The following CFAP299 variants were observed in gnomAD, a reference collection of about 807,000 sequenced individuals.
The protein encoded by CFAP299 is cilia and flagella associated protein 299.
A neutral mutation model predicts 27.0 loss-of-function variants in CFAP299; 21 were observed. That is an observed-to-expected ratio of 0.78 (90% CI 0.55 to 1.12). The LOEUF is 1.12. Ranked by LOEUF, CFAP299 falls within the 50% of genes most tolerant of loss-of-function variation. The pLI is 0.00. For synonymous variants in CFAP299, 104 were observed against 98.1 expected, an observed-to-expected ratio of 1.06 and a Z score of -0.36; for missense variants, 310 against 276.6, an observed-to-expected ratio of 1.12 and a Z score of -0.86.
chr4:80,804,532 A>G (rs1241045566), intron 3 of CFAP299, among the ~76,000 whole-genome samples: 1 of 152,144 alleles, frequency 6.6e-6, no homozygotes, highest in African/African-American at 2.4e-5. Context: ...CCTTCAATGG[A>G]CACTTGAGTT....
chr4:80,944,933 C>T lies in CFAP299; in HGVS notation c.600C>T (p.Asp200=), dbSNP rs1737395741. The T allele has an allele frequency of 5.0e-6, 8 of 1,610,846 alleles. No homozygotes were observed. The East Asian group carries it at 1.3e-4, about 27-fold the overall frequency. The part of the protein sequence containing the change: ...YKRDRKILNV[D]PKAQPGDNST... ...GAGACAGAAAAATTCTTAATGTGGACCCAAAGGTAATTCTTCTTTTACACT... is the reference window on the plus strand; with the variant it reads ...GAGACAGAAAAATTCTTAATGTGGATCCAAAGGTAATTCTTCTTTTACACT... The change falls in exon 5 of 6, where the codon GAC becomes GAT. Residue 200 remains aspartate, a synonymous_variant. Coordinates refer to ENST00000358105, the MANE Select transcript of CFAP299 (RefSeq NM_152770.3).
intron 3 of CFAP299, among the ~76,000 whole-genome samples, chr4:80,596,722 A>G (rs1737080039): frequency 6.6e-6 from 1 of 152,128 alleles, no homozygotes; most frequent in South Asian, 2.1e-4. Context: ...TACTGATACC[A>G]AATAAGCCTT....
chr4:80,799,538 A>C (rs1578135278), intron 3 of CFAP299, among the ~76,000 whole-genome samples: 1 of 76,342 alleles, frequency 1.3e-5, no homozygotes, highest in Non-Finnish European at 2.2e-5. Flanking sequence ...TAATATATTT[A>C]ATACATATAT....
chr4:80,540,185 CT>C (rs1262454995), intron 2 of CFAP299, among the ~76,000 whole-genome samples: 1 of 152,102 alleles, frequency 6.6e-6, no homozygotes, highest in Admixed American at 6.6e-5. Flanking sequence ...AATAAGTTTC[CT>C]TTATGCTTAA....
chr4:80,423,672 A>G (rs111391907), intron 2 of CFAP299, among the ~76,000 whole-genome samples: 179 of 152,314 alleles, frequency 1.2e-3, no homozygotes, highest in Middle Eastern at 6.8e-3. Context: ...CCAGAGTTCC[A>G]GGAGGCAGTC....
intron 3 of CFAP299, among the ~76,000 whole-genome samples, chr4:80,728,125 ATCCT>A (rs36022135): frequency 0.027 from 4,123 of 152,200 alleles, 165 homozygotes; most frequent in African/African-American, 0.08. Flanking sequence ...AAAAGAAATG[ATCCT>A]CAGTATTTCC....
chr4:80,671,497 G>A (rs1741480637), intron 3 of CFAP299, among the ~76,000 whole-genome samples: 1 of 152,122 alleles, frequency 6.6e-6, no homozygotes, highest in African/African-American at 2.4e-5. Flanking sequence ...GGTTCCGTAT[G>A]AACTTTAAAG....
chr4:80,387,577 G>T, intron 2 of CFAP299: 5 of 1,087,618 alleles, frequency 4.6e-6, no homozygotes, highest in Non-Finnish European at 5.7e-6. Context: ...GGGGTTCAGG[G>T]CCAAGACCTG....
At chr4:80,341,154 C>G (rs538125641) in intron 1 of CFAP299, among the ~76,000 whole-genome samples, 2 of 152,208 alleles carry the variant, frequency 1.3e-5, no homozygotes, top group African/African-American at 2.4e-5. Flanking sequence ...TTCAGCAACT[C>G]CAGCCAGGGT....
chr4:80,539,853 G>A (rs949109934), intron 2 of CFAP299, among the ~76,000 whole-genome samples: 2 of 152,160 alleles, frequency 1.3e-5, no homozygotes, highest in Non-Finnish European at 2.9e-5. Context: ...TGACTGTAGT[G>A]TGAATAATCA....
At chr4:80,426,828 C>T (rs529153560) in intron 2 of CFAP299, among the ~76,000 whole-genome samples, 2 of 152,170 alleles carry the variant, frequency 1.3e-5, no homozygotes, top group Non-Finnish European at 2.9e-5. Flanking sequence ...CTTCCTGTTA[C>T]CTATGACTCT....
At chr4:80,688,924 A>G (rs1720437258) in intron 3 of CFAP299, among the ~76,000 whole-genome samples, 1 of 152,154 alleles carries the variant, frequency 6.6e-6, no homozygotes, top group African/African-American at 2.4e-5. Flanking sequence ...GATGCGATCA[A>G]CTGGAAGAAA....
At chr4:80,836,894 TA>T (rs930001514) in intron 3 of CFAP299, among the ~76,000 whole-genome samples, 5 of 151,908 alleles carry the variant, frequency 3.3e-5, no homozygotes, top group Non-Finnish European at 7.4e-5. Context: ...GTCACTCAAT[TA>T]AAAAAAAGTT....
intron 2 of CFAP299, among the ~76,000 whole-genome samples, chr4:80,567,531 A>G (rs1478872913): frequency 1.3e-5 from 2 of 151,852 alleles, no homozygotes; most frequent in African/African-American, 4.8e-5. Flanking sequence ...TAGTTTACGA[A>G]AAAAAGGGGA....
intron 2 of CFAP299, among the ~76,000 whole-genome samples, chr4:80,565,460 G>A (rs1460524137): frequency 6.6e-6 from 1 of 151,908 alleles, no homozygotes; most frequent in Non-Finnish European, 1.5e-5. Flanking sequence ...TTTAAAAAAC[G>A]ATCTATGTAG....
chr4:80,861,816 T>G (rs966067499), intron 3 of CFAP299, among the ~76,000 whole-genome samples: 5 of 152,204 alleles, frequency 3.3e-5, no homozygotes, highest in Non-Finnish European at 7.3e-5. Flanking sequence ...ATTACTAGCA[T>G]AAAACCCATC....
chr4:80,755,237 A>G (rs926857581), intron 3 of CFAP299, among the ~76,000 whole-genome samples: 2 of 152,082 alleles, frequency 1.3e-5, no homozygotes, highest in Non-Finnish European at 2.9e-5. Context: ...ACATGAGTAG[A>G]GCCAAGACAC....
At chr4:80,448,916 C>T (rs1728766537) in intron 2 of CFAP299, among the ~76,000 whole-genome samples, 1 of 152,036 alleles carries the variant, frequency 6.6e-6, no homozygotes, top group Admixed American at 6.5e-5. Flanking sequence ...GATCTTGGGA[C>T]AGAAATATAT....
chr4:80,737,293 C>T (rs1459587920), intron 3 of CFAP299, among the ~76,000 whole-genome samples: 1 of 150,882 alleles, frequency 6.6e-6, no homozygotes, highest in Non-Finnish European at 1.5e-5. Flanking sequence ...CGCACATGTA[C>T]CCTAAAACTT....
Sources: gnomAD v4.1 joint callset for allele counts (sites outside exome capture counted in the v4.1 genomes callset) on GRCh38, gnomAD v4.1.1 for gene constraint, MANE v1.5 for transcripts, NCBI Gene and HGNC (gene_info 2026-07-23, HGNC 2026-07-21) for gene names.